TNRC6A: variants seen among roughly 807,000 people sequenced by gnomAD.
The protein encoded by TNRC6A is trinucleotide repeat-containing gene 6A protein.
A neutral mutation model predicts 221.2 loss-of-function variants in TNRC6A; 44 were observed. That is an observed-to-expected ratio of 0.20 (90% CI 0.16 to 0.26). The LOEUF (loss-of-function observed/expected upper bound fraction) is 0.26, where lower values mean the gene tolerates loss of function less well. Among genes scored for constraint, TNRC6A ranks in the 10% least tolerant of loss-of-function variants. The probability of loss-of-function intolerance (pLI) is 1.00; values close to 1 mark genes in which losing one functional copy is unlikely to be tolerated. For missense variants in TNRC6A, 2,199 were observed against 2,404.4 expected, an observed-to-expected ratio of 0.91 and a Z score of 1.79; for synonymous variants, 847 against 838.5, an observed-to-expected ratio of 1.01 and a Z score of -0.18.
rs148777138 is a variant in TNRC6A, at chr16:24,639,332, A to T, written n.277-1552A>T. Among the ~76,000 whole-genome samples the T allele has an allele frequency of 3.3e-3, 505 of 152,170 alleles. 5 individuals are homozygous for T. The highest frequency in any genetic ancestry group is 0.011 in the African/African-American group (463 of 41,518). On this transcript the variant is annotated intron_variant and non_coding_transcript_variant, in intron 1 of 2. Transcript: ENST00000566108. ...AAAAACTTGTCTCTATAAAAAATTT[A>T]AAAAAAGAAAATTAGCCAGGCATAG...
chr16:24,741,005 G>A (rs1380641040), intron 2 of TNRC6A, among the ~76,000 whole-genome samples: 5 of 152,120 alleles, frequency 3.3e-5, no homozygotes, highest in Non-Finnish European at 7.4e-5. Flanking sequence ...TGTGTTCTGC[G>A]GCTGTGCTGA....
intron 2 of TNRC6A, among the ~76,000 whole-genome samples, chr16:24,704,753 C>T (rs1360811229): frequency 1.3e-5 from 2 of 148,834 alleles, no homozygotes; most frequent in Non-Finnish European, 1.5e-5. Flanking sequence ...TACGTACTCA[C>T]TTTTGTAGCA....
intron 2 of TNRC6A, among the ~76,000 whole-genome samples, chr16:24,708,951 C>G (rs1254129669): frequency 6.6e-6 from 1 of 152,016 alleles, no homozygotes; most frequent in African/African-American, 2.4e-5. Flanking sequence ...ATTGTGCTGC[C>G]ATAAACGTAA....
intron 2 of TNRC6A, among the ~76,000 whole-genome samples, chr16:24,701,014 C>T (rs1475068857): frequency 6.6e-6 from 1 of 152,144 alleles, no homozygotes; most frequent in East Asian, 1.9e-4. Flanking sequence ...AGTATAAGGC[C>T]CAGAACCAGG....
At chr16:24,723,332 G>C (rs955385775) in intron 2 of TNRC6A, among the ~76,000 whole-genome samples, 1 of 152,104 alleles carries the variant, frequency 6.6e-6, no homozygotes, top group Non-Finnish European at 1.5e-5. Context: ...AGTGGCTCAT[G>C]CCTGTAATCC....
intron 2 of TNRC6A, among the ~76,000 whole-genome samples, chr16:24,694,280 G>A (rs1484329152): frequency 6.6e-6 from 1 of 152,108 alleles, no homozygotes; most frequent in Non-Finnish European, 1.5e-5. Context: ...TCCGACCTCA[G>A]CACAATAGCA....
chr16:24,716,403 T>C (rs1233205199), intron 2 of TNRC6A, among the ~76,000 whole-genome samples: 1 of 152,200 alleles, frequency 6.6e-6, no homozygotes, highest in Admixed American at 6.6e-5. Context: ...GTGCAGTGGC[T>C]CACGCCTGGA....
intron 1 of TNRC6A, among the ~76,000 whole-genome samples, chr16:24,625,579 A>G (rs1005059666): frequency 6.6e-6 from 1 of 151,878 alleles, no homozygotes; most frequent in Non-Finnish European, 1.5e-5. Context: ...ACAAAAAATT[A>G]GCCGGGCGCG....
chr16:24,760,285 A>T (rs1247332029), intron 4 of TNRC6A, among the ~76,000 whole-genome samples: 5 of 152,070 alleles, frequency 3.3e-5, no homozygotes, highest in African/African-American at 1.2e-4. Context: ...ATAATCTCAA[A>T]TTTGGGCACT....
At chr16:24,721,184 A>T (rs1239854535) in intron 2 of TNRC6A, among the ~76,000 whole-genome samples, 1 of 152,196 alleles carries the variant, frequency 6.6e-6, no homozygotes, top group Admixed American at 6.5e-5. Context: ...ACCATTTTAG[A>T]CATGTTTTCT....
intron 2 of TNRC6A, among the ~76,000 whole-genome samples, chr16:24,687,837 G>GGAAGAGGAAGAAGAAGAA (rs2055659310): frequency 1.1e-4 from 2 of 17,518 alleles, no homozygotes; most frequent in African/African-American, 4.0e-4. Context: ...AAGAGGAAGA[G>GGAAGAGGAAGAAGAAGAA]GAAGAGGAAG....
chr16:24,773,887 G>C (rs1178593314), intron 4 of TNRC6A, among the ~76,000 whole-genome samples: 2 of 150,462 alleles, frequency 1.3e-5, no homozygotes, highest in Admixed American at 6.6e-5. Flanking sequence ...TTGCTGCATT[G>C]TTTTGTTTTA....
At chr16:24,673,083 T>C (rs2055339694) in intron 2 of TNRC6A, among the ~76,000 whole-genome samples, 1 of 151,828 alleles carries the variant, frequency 6.6e-6, no homozygotes, top group Non-Finnish European at 1.5e-5. Flanking sequence ...CACACACCTG[T>C]AGTCCCAGCT....
intron 4 of TNRC6A, among the ~76,000 whole-genome samples, chr16:24,764,735 C>G (rs1463681833): frequency 6.6e-6 from 1 of 152,172 alleles, no homozygotes; most frequent in Non-Finnish European, 1.5e-5. Context: ...GTTCTGATTT[C>G]ATTTCCTTTG....
chr16:24,664,625 A>C (rs1414166864), intron 2 of TNRC6A, among the ~76,000 whole-genome samples: 4 of 142,338 alleles, frequency 2.8e-5, no homozygotes, highest in Non-Finnish European at 6.1e-5. Flanking sequence ...AAATATAAAT[A>C]TATATTATTA....
intron 4 of TNRC6A, among the ~76,000 whole-genome samples, chr16:24,761,585 G>T (rs181022559): frequency 2.6e-5 from 4 of 152,042 alleles, no homozygotes; most frequent in Non-Finnish European, 2.9e-5. Context: ...AGGAGACAGG[G>T]TCTCGCTCTG....
intron 1 of TNRC6A, among the ~76,000 whole-genome samples, chr16:24,615,590 T>C (rs1011995415): frequency 3.9e-4 from 59 of 152,242 alleles, no homozygotes; most frequent in Middle Eastern, 6.8e-3. Context: ...GGGCAGAATA[T>C]TTCAGGAAGG....
At chr16:24,664,896 G>C (rs1178844505) in intron 2 of TNRC6A, 5 of 455,504 alleles carry the variant, frequency 1.1e-5, no homozygotes, top group Admixed American at 2.4e-5. Context: ...TTGAGGCCAG[G>C]GTGGTGGAGA....
intron 11 of TNRC6A, among the ~76,000 whole-genome samples, chr16:24,801,525 G>C (rs1317833683): frequency 6.7e-6 from 1 of 148,790 alleles, no homozygotes; most frequent in Non-Finnish European, 1.5e-5. Context: ...AATGTAACAT[G>C]CTACTCTCTT....
Sources: allele counts gnomAD v4.1 joint callset (sites outside exome capture counted in the v4.1 genomes callset), GRCh38; gene constraint gnomAD v4.1.1; transcripts MANE v1.5; gene names NCBI Gene and HGNC (gene_info 2026-07-23, HGNC 2026-07-21).